The following GALNT13 variants were observed in gnomAD, a reference collection of about 807,000 sequenced individuals.
GALNT13 encodes the protein polypeptide N-acetylgalactosaminyltransferase 13.
A neutral mutation model predicts 64.2 loss-of-function variants in GALNT13; 28 were observed. That is an observed-to-expected ratio of 0.44 (90% CI 0.32 to 0.60). The LOEUF (loss-of-function observed/expected upper bound fraction) is 0.60, where lower values mean the gene tolerates loss of function less well. Among genes scored for constraint, GALNT13 ranks in the 20% least tolerant of loss-of-function variants. GALNT13 has a pLI of 0.05. For synonymous variants in GALNT13, 214 were observed against 224.6 expected (o/e 0.95, Z 0.42); for missense variants, 577 against 669.8 (o/e 0.86, Z 1.53).
chr2:154,269,672 G>T (rs1296211223), intron 8 of GALNT13, among the ~76,000 whole-genome samples: 2 of 151,304 alleles, frequency 1.3e-5, no homozygotes, highest in Non-Finnish European at 3.0e-5. Flanking sequence ...TCCCCATTTG[G>T]TGCAGGCTGA....
intron 1 of GALNT13, among the ~76,000 whole-genome samples, chr2:153,879,156 A>C (rs533361949): frequency 2.0e-5 from 3 of 152,156 alleles, no homozygotes; most frequent in Non-Finnish European, 4.4e-5. Flanking sequence ...AGCAATTACT[A>C]TGCCCCAGAG....
chr2:153,618,074 G>C, the GALNT13 span, among the ~76,000 whole-genome samples: 1 of 151,654 alleles, frequency 6.6e-6, no homozygotes, highest in Non-Finnish European at 1.5e-5. Context: ...TTCTGGGTTT[G>C]GTTTGCTTTT....
chr2:154,424,149 G>A (rs1700372728), intron 11 of GALNT13, among the ~76,000 whole-genome samples: 1 of 152,284 alleles, frequency 6.6e-6, no homozygotes, highest in South Asian at 2.1e-4. Context: ...GAAAAAAGGA[G>A]CATGGATTGG....
the GALNT13 span, among the ~76,000 whole-genome samples, chr2:153,483,179 A>G: frequency 6.6e-6 from 1 of 152,144 alleles, no homozygotes; most frequent in Admixed American, 6.5e-5. Flanking sequence ...TCCTCAAAAA[A>G]TTAAACATAA....
the GALNT13 span, among the ~76,000 whole-genome samples, chr2:153,653,938 G>A: frequency 3.3e-5 from 5 of 152,142 alleles, no homozygotes; most frequent in African/African-American, 1.2e-4. Flanking sequence ...ATCAAAGGAT[G>A]CTTAAACATT....
At chr2:153,307,632 G>T in the GALNT13 span, among the ~76,000 whole-genome samples, 1 of 151,972 alleles carries the variant, frequency 6.6e-6, no homozygotes, top group Admixed American at 6.6e-5. Flanking sequence ...TTGTGGCTAT[G>T]CTACAATTTA....
At chr2:153,838,527 A>T in the GALNT13 span, among the ~76,000 whole-genome samples, 118 of 151,842 alleles carry the variant, frequency 7.8e-4, 3 homozygotes, top group East Asian at 0.021. Context: ...CCCTTTCCCC[A>T]TTGTGTATTT....
rs1313267280 is a variant in GALNT13, at chr2:154,301,529, A to G, written c.1096A>G (p.Arg366Gly). Residue 366 changes from arginine (R) to glycine (G), a missense_variant, in exon 9 of 13, where the codon AGG becomes GGG. Physicochemically the swap from Arg to Gly is moderately radical, Grantham distance 125. Around this residue, in one of 3 missense-constraint regions of GALNT13, gnomAD observed 232 missense variants for 270.6 expected, o/e 0.86. Coordinates refer to ENST00000392825, the MANE Select transcript of GALNT13 (RefSeq NM_052917.4). ...GTGHVINKNN[R>G]RLAEVWMDEF... is the part of the protein sequence containing the mutation. ...TGGTCATGTCATCAACAAGAACAACAGGAGACTGGCAGAAGTTTGGATGGA... is the reference window on the plus strand; with the variant it reads ...TGGTCATGTCATCAACAAGAACAACGGGAGACTGGCAGAAGTTTGGATGGA... 4 of 1,613,586 alleles carry G rather than the reference A, an allele frequency of 2.5e-6. No individual in the cohort carries two copies. In the South Asian group the frequency reaches 4.4e-5, roughly 18 times the overall value.
the GALNT13 span, among the ~76,000 whole-genome samples, chr2:153,699,198 CACA>C: frequency 6.6e-6 from 1 of 152,048 alleles, no homozygotes; most frequent in Admixed American, 6.6e-5. Context: ...CTCAAAAATA[CACA>C]ACTACATGGA....
chr2:153,216,820 A>AT, the GALNT13 span, among the ~76,000 whole-genome samples: 2 of 151,734 alleles, frequency 1.3e-5, no homozygotes, highest in Admixed American at 6.6e-5. Flanking sequence ...CAATTTATCA[A>AT]TTTTTTTCTT....
At chr2:153,124,078 A>T in the GALNT13 span, among the ~76,000 whole-genome samples, 2 of 152,156 alleles carry the variant, frequency 1.3e-5, no homozygotes, top group African/African-American at 4.8e-5. Flanking sequence ...GAGCTGCTTT[A>T]TAGAGAGGTC....
At chr2:153,726,928 A>G in the GALNT13 span, among the ~76,000 whole-genome samples, 3 of 144,166 alleles carry the variant, frequency 2.1e-5, no homozygotes, top group Admixed American at 2.1e-4. Context: ...CAACAGAGCG[A>G]GACTCCATCT....
the GALNT13 span, among the ~76,000 whole-genome samples, chr2:153,785,797 G>A: frequency 3.9e-5 from 6 of 152,106 alleles, no homozygotes; most frequent in Non-Finnish European, 8.8e-5. Flanking sequence ...CCCAGTGTGG[G>A]CGTGGGGGAT....
At chr2:154,360,372 C>A in intron 9 of GALNT13, among the ~76,000 whole-genome samples, 1 of 152,098 alleles carries the variant, frequency 6.6e-6, no homozygotes, top group East Asian at 1.9e-4. Flanking sequence ...AATAGTCCAA[C>A]CATTCATGTT....
chr2:154,136,953 G>T (rs1682987974), intron 3 of GALNT13, among the ~76,000 whole-genome samples: 1 of 151,292 alleles, frequency 6.6e-6, no homozygotes, highest in Non-Finnish European at 1.5e-5. Context: ...TAGATGACAA[G>T]TGGTTTTTTT....
the GALNT13 span, among the ~76,000 whole-genome samples, chr2:153,466,501 AT>A: frequency 6.6e-6 from 1 of 151,744 alleles, no homozygotes; most frequent in Non-Finnish European, 1.5e-5. Context: ...AAAATGCAGT[AT>A]TAGGCCCAGA....
rs527603158 is a variant in GALNT13 at position 153,933,864 on chromosome 2, T to C, written c.-104-10530T>C. 3.7e-4 allele frequency among the ~76,000 whole-genome samples: 56 copies of C among 152,202 alleles called. 1 individual carries two copies. Among genetic ancestry groups the C allele is most frequent in the Non-Finnish European group, 5.4e-4 (37 of 68,032 alleles). ...CTTCTCTTACGAAGCTTCATTTGGC[T>C]GGATAGGAAATTCTTAGTTGGACTT... is the stretch of plus-strand genomic sequence containing the variant. On this transcript the variant is annotated intron_variant, in intron 2 of 12. Coordinates refer to ENST00000392825, the MANE Select transcript of GALNT13 (RefSeq NM_052917.4).
At chr2:154,144,075 T>C (rs1002680600) in intron 4 of GALNT13, among the ~76,000 whole-genome samples, 1 of 152,104 alleles carries the variant, frequency 6.6e-6, no homozygotes, top group Non-Finnish European at 1.5e-5. Flanking sequence ...TTTTCATGTT[T>C]TACAAATAGT....
chr2:153,680,629 T>A, the GALNT13 span, among the ~76,000 whole-genome samples: 2 of 151,862 alleles, frequency 1.3e-5, no homozygotes, highest in Non-Finnish European at 2.9e-5. Context: ...TAAACATGAA[T>A]AAATGCATTT....
Sources: allele counts gnomAD v4.1 joint callset (sites outside exome capture counted in the v4.1 genomes callset), GRCh38; gene constraint gnomAD v4.1.1; regional missense constraint gnomAD v4.1.1; transcripts MANE v1.5; gene names NCBI Gene and HGNC (gene_info 2026-07-23, HGNC 2026-07-21).